ZNF18: variants seen among roughly 807,000 people sequenced by gnomAD.
The protein encoded by ZNF18 is heart development-specific gene 1 protein.
In ZNF18, 42 loss-of-function variants were observed where a neutral mutation model predicts 58.1. The ratio of observed to expected loss-of-function variants is 0.72; its 90% CI spans 0.56 to 0.93. The LOEUF is 0.93. Among genes scored for constraint, ZNF18 ranks in the 40% least tolerant of loss-of-function variants. ZNF18 has a pLI of 0.00. For missense variants in ZNF18, 540 were observed against 644.2 expected, an observed-to-expected ratio of 0.84 and a Z score of 1.75; for synonymous variants, 231 against 239.8, an observed-to-expected ratio of 0.96 and a Z score of 0.34.
At chr17:11,984,245 G>A in intron 4 of ZNF18, 48 bp from the exon 5 acceptor site, 3 of 1,561,970 alleles carry the variant, frequency 1.9e-6, no homozygotes, top group Non-Finnish European at 2.6e-6. Flanking sequence ...CTCCAATGAA[G>A]GTGTTTGAAC....
the ZNF18 span, among the ~76,000 whole-genome samples, chr17:12,003,193 C>G: frequency 1.3e-5 from 2 of 152,088 alleles, no homozygotes; most frequent in Non-Finnish European, 2.9e-5. Flanking sequence ...TGGTGGCTCA[C>G]GCCTGTAATC....
At position 11,986,911 on chromosome 17, in the gene ZNF18, C is replaced by T. The variant is rs562636354; in HGVS notation, c.667-2714G>A. ...GGGTCAAAATCAGCTCACTCAAAAA[C>T]CAGAAAAGTTGCTTCAGGAGCACTA... On this transcript the variant is annotated intron_variant, in intron 4 of 6. Transcript: ENST00000580306. Among the ~76,000 whole-genome samples, 6 of 152,280 alleles carry T rather than the reference C, an allele frequency of 3.9e-5. No individual in the cohort carries two copies. The East Asian group carries it at 9.6e-4, about 24-fold the overall frequency.
chr17:11,992,720 G>A lies in ZNF18; in HGVS notation c.110C>T (p.Pro37Leu). 1 of 1,614,248 alleles carries A rather than the reference G, an allele frequency of 6.2e-7. No individual in the cohort carries two copies. Among genetic ancestry groups the A allele is most frequent in the Middle Eastern group, 1.6e-4 (1 of 6,062 alleles). ...DAALQEELSS[P>L]ETARQLFRQF... Reference sequence around the variant, plus strand: ...CCTGAAAAGCTGGCGTGCGGTCTCAGGGCTGGAGAGTTCCTCTTGAAGGGC... The same window carrying A: ...CCTGAAAAGCTGGCGTGCGGTCTCAAGGCTGGAGAGTTCCTCTTGAAGGGC... Residue 37 changes from proline (P) to leucine (L), a missense_variant, in exon 2 of 7, where the codon CCT (proline) becomes CTT (leucine). By Grantham distance (98) the Pro-to-Leu change is moderately conservative. Coordinates refer to ENST00000580306, the MANE Select transcript of ZNF18 (RefSeq NM_001303281.2).
chr17:11,983,126 A>C (rs530038774), intron 6 of ZNF18, among the ~76,000 whole-genome samples, 171 bp downstream of exon 6: 2 of 152,306 alleles, frequency 1.3e-5, no homozygotes, highest in Admixed American at 1.3e-4. Context: ...ATAGCCAGAG[A>C]TAAGTAGACT....
At chr17:12,012,562 G>A in the ZNF18 span, among the ~76,000 whole-genome samples, 5 of 152,188 alleles carry the variant, frequency 3.3e-5, no homozygotes, top group Admixed American at 6.5e-5. Context: ...CTGTGCCAAT[G>A]TACATTCCCA....
In ZNF18 at chr17:11,978,510, G is replaced by C. The variant is rs1258549648; in HGVS notation, c.1097C>G (p.Ser366Cys). Reference protein sequence around the residue: ...GEQLSPQERISEKQLGQHLPN... With the variant: ...GEQLSPQERICEKQLGQHLPN... ...CAAATGCTGACCTAGTTGTTTCTCAGAAATCCTTTCTTGAGGAGACAGCTG... is the reference window on the plus strand; with the variant it reads ...CAAATGCTGACCTAGTTGTTTCTCACAAATCCTTTCTTGAGGAGACAGCTG... Residue 366 changes from serine to cysteine, a missense_variant, in exon 7 of 7, where the codon TCT becomes TGT. Physicochemically the swap from Ser to Cys is moderately radical, Grantham distance 112 (BLOSUM62 -1). Coordinates refer to ENST00000580306, the MANE Select transcript of ZNF18 (RefSeq NM_001303281.2). 6.2e-7 allele frequency: 1 copy of C among 1,607,922 alleles called. No individual in the cohort carries two copies. The highest frequency in any genetic ancestry group is 8.5e-7 in the Non-Finnish European group (1 of 1,177,402).
At chr17:12,021,046 A>T in the ZNF18 span, 1 of 1,139,596 alleles carries the variant, frequency 8.8e-7, no homozygotes, top group Non-Finnish European at 1.1e-6. Context: ...CTAGCGCGGC[A>T]ACCCGCGTCG....
chr17:12,011,028 T>C, the ZNF18 span: 10 of 749,948 alleles, frequency 1.3e-5, no homozygotes, highest in Non-Finnish European at 2.2e-5. Context: ...CTGGGGAACA[T>C]TGTAGACTCT....
At chr17:12,018,458 G>A in the ZNF18 span, among the ~76,000 whole-genome samples, 2 of 152,158 alleles carry the variant, frequency 1.3e-5, no homozygotes, top group Non-Finnish European at 2.9e-5. Context: ...CTGTGTGTCT[G>A]CATCCTAATC....
intron 3 of ZNF18, 21 bp downstream of exon 3, chr17:11,990,953 A>C: frequency 6.2e-7 from 1 of 1,601,938 alleles, no homozygotes; most frequent in Non-Finnish European, 8.5e-7. Context: ...CCAAGAGAAC[A>C]CCACACAGCA....
upstream of ZNF18, among the ~76,000 whole-genome samples, chr17:12,001,675 C>T (rs1968658952): frequency 6.6e-6 from 1 of 151,974 alleles, no homozygotes; most frequent in Non-Finnish European, 1.5e-5. Flanking sequence ...ATTTCAAAAT[C>T]ACTAAAAGAG....
At chr17:11,990,895 T>C in intron 3 of ZNF18, 79 bp downstream of exon 3, 1 of 1,458,880 alleles carries the variant, frequency 6.9e-7, no homozygotes, top group Admixed American at 1.9e-5. Flanking sequence ...CTGAGCAGCA[T>C]ACCATTTCAA....
chr17:11,989,020 A>G (rs138495396), intron 4 of ZNF18, among the ~76,000 whole-genome samples: 1,535 of 152,204 alleles, frequency 0.01, 28 homozygotes, highest in African/African-American at 0.035. Context: ...TTAGTCAGGC[A>G]TGGTGGCACA....
upstream of ZNF18, among the ~76,000 whole-genome samples, chr17:12,000,024 GATTCT>G (rs1968629027): frequency 6.6e-6 from 1 of 152,160 alleles, no homozygotes; most frequent in African/African-American, 2.4e-5. Context: ...AGGTTTAAGT[GATTCT>G]CCTGCCTCAG....
chr17:11,990,700 A>T, intron 3 of ZNF18, 150 bp from the exon 4 acceptor site: 2 of 714,236 alleles, frequency 2.8e-6, no homozygotes, highest in Non-Finnish European at 4.7e-6. Context: ...TATCTCCCTG[A>T]CACACTCCAA....
At chr17:12,002,251 T>C (rs560571807), upstream of ZNF18, 207 of 152,022 alleles carry the variant, frequency 1.4e-3, 1 homozygote, top group Non-Finnish European at 2.2e-3. Context: ...AACACAAAAA[T>C]TACCTGGGCG....
At chr17:11,988,073 T>A (rs925410057) in intron 4 of ZNF18, among the ~76,000 whole-genome samples, 6 of 151,912 alleles carry the variant, frequency 3.9e-5, no homozygotes, top group Non-Finnish European at 7.4e-5. Context: ...GAAAAAAAAA[T>A]TTTTTACAAA....
At chr17:11,999,564 T>A (rs544794020), upstream of ZNF18, among the ~76,000 whole-genome samples, 2 of 152,368 alleles carry the variant, frequency 1.3e-5, no homozygotes, top group African/African-American at 4.8e-5. Flanking sequence ...AAAGGTGTCA[T>A]CTATTTCTAT....
At chr17:12,020,833 C>T in the ZNF18 span, 9 of 848,692 alleles carry the variant, frequency 1.1e-5, no homozygotes, top group African/African-American at 5.3e-5. Flanking sequence ...TGCGAGAGGC[C>T]GAGCTTGCTG....
Sources: allele counts gnomAD v4.1 joint callset (sites outside exome capture counted in the v4.1 genomes callset), GRCh38; gene constraint gnomAD v4.1.1; transcripts MANE v1.5; gene names NCBI Gene and HGNC (gene_info 2026-07-23, HGNC 2026-07-21).